Variants in SMC6 observed in about 807,000 individuals in gnomAD.
The protein encoded by SMC6 is structural maintenance of chromosomes protein 6.
A neutral mutation model predicts 142.2 loss-of-function variants in SMC6; 79 were observed. The ratio of observed to expected loss-of-function variants is 0.56; its 90% CI spans 0.46 to 0.67. SMC6 has a LOEUF of 0.67. SMC6 is among the 30% of genes least tolerant of loss of function. SMC6 has a pLI of 0.00. For synonymous variants in SMC6, 411 were observed against 412.4 expected, an observed-to-expected ratio of 1.00 and a Z score of 0.04; for missense variants, 1,072 against 1,284.0, an observed-to-expected ratio of 0.83 and a Z score of 2.52.
chr2:17,718,262 C>CAATAGA, intron 11 of SMC6, 39 bp from the exon 12 acceptor site: 14 of 1,435,910 alleles, frequency 9.7e-6, no homozygotes, highest in Non-Finnish European at 1.2e-5. Context: ...ATTTTTTCTT[C>CAATAGA]AATAGAGAGA....
intron 16 of SMC6, among the ~76,000 whole-genome samples, chr2:17,710,051 C>A (rs1668748793): frequency 6.6e-6 from 1 of 152,168 alleles, no homozygotes; most frequent in Non-Finnish European, 1.5e-5. Flanking sequence ...AGTTTAGAGT[C>A]CTTTGAGCAG....
chr2:17,751,923 T>C (rs912864384), intron 2 of SMC6, among the ~76,000 whole-genome samples: 3 of 152,212 alleles, frequency 2.0e-5, no homozygotes, highest in African/African-American at 7.2e-5. Context: ...TTACATAAAA[T>C]TCTACAGATT....
chr2:17,741,533 G>T, intron 4 of SMC6, 79 bp downstream of exon 4: 1 of 801,338 alleles, frequency 1.2e-6, no homozygotes, highest in Non-Finnish European at 2.0e-6. Context: ...AGCACTAATA[G>T]TCACCTATTT....
intron 3 of SMC6, among the ~76,000 whole-genome samples, chr2:17,743,717 C>A (rs142421785): frequency 6.6e-6 from 1 of 152,058 alleles, no homozygotes; most frequent in South Asian, 2.1e-4. Context: ...ATTTTTACTG[C>A]GCTAAAAATC....
At chr2:17,677,800 T>C (rs1014088746) in intron 25 of SMC6, among the ~76,000 whole-genome samples, 1 of 152,088 alleles carries the variant, frequency 6.6e-6, no homozygotes, top group African/African-American at 2.4e-5. Context: ...GATCTACCAG[T>C]AGAAATTAAA....
At chr2:17,718,967 T>A (rs1310967661) in intron 11 of SMC6, among the ~76,000 whole-genome samples, 1 of 152,086 alleles carries the variant, frequency 6.6e-6, no homozygotes, top group African/African-American at 2.4e-5. Context: ...AAGATTTCAG[T>A]AAGAAGTTAA....
intron 9 of SMC6, among the ~76,000 whole-genome samples, chr2:17,724,208 G>C (rs1669507893): frequency 6.6e-6 from 1 of 152,088 alleles, no homozygotes; most frequent in African/African-American, 2.4e-5. Context: ...TTCCAAGAAA[G>C]TGTGCTTTAG....
In SMC6 at chr2:17,722,303, C is replaced by T. The variant is rs191052717; in HGVS notation, c.727-1042G>A. ...AGAGAGGTGGCCTCATATTTAAGAC[C>T]CATACCATCCTCTACCTATATCTTG... is the stretch of plus-strand genomic sequence containing the variant. On this transcript the variant is annotated intron_variant, in intron 9 of 27. Coordinates refer to ENST00000448223, the MANE Select transcript of SMC6 (RefSeq NM_001142286.2). 1.7e-3 allele frequency among the ~76,000 whole-genome samples: 264 copies of T among 152,192 alleles called. 1 individual carries two copies. Among genetic ancestry groups the T allele is most frequent in the African/African-American group, 5.8e-3 (241 of 41,526 alleles).
At chr2:17,683,258 C>T (rs983967869) in intron 24 of SMC6, among the ~76,000 whole-genome samples, 8 of 152,120 alleles carry the variant, frequency 5.3e-5, no homozygotes, top group South Asian at 2.1e-4. Context: ...CATGGAGCTA[C>T]GTCATTCTAG....
At chr2:17,685,312 A>C (rs73218872) in intron 23 of SMC6, among the ~76,000 whole-genome samples, 1,664 of 152,230 alleles carry the variant, frequency 0.011, 29 homozygotes, top group African/African-American at 0.035. Context: ...TTTAGCAATG[A>C]AAAAAATCAC....
At chr2:17,699,828 A>C (rs996216233) in intron 21 of SMC6, among the ~76,000 whole-genome samples, 2 of 152,192 alleles carry the variant, frequency 1.3e-5, no homozygotes, top group African/African-American at 4.8e-5. Context: ...ACTTTATTTC[A>C]AGTTGGCTTT....
At chr2:17,698,504 TTG>T (rs1024932674) in intron 21 of SMC6, among the ~76,000 whole-genome samples, 17 of 152,074 alleles carry the variant, frequency 1.1e-4, no homozygotes, top group Non-Finnish European at 2.2e-4. Context: ...TAATTTTATT[TTG>T]AAGTCCACTT....
rs149982423 is a variant in SMC6, at chr2:17,693,056, T to A, written c.2678+2096A>T. Among the ~76,000 whole-genome samples the A allele has an allele frequency of 5.0e-3, 764 of 152,146 alleles. 3 individuals carry two copies. The highest frequency in any genetic ancestry group is 0.017 in the African/African-American group (722 of 41,468). ...GCGATCATTAACAAGTCAGGAAACA[T>A]CAGGTGCTGGAGAGGATGTAGAGAA... On this transcript the variant is annotated intron_variant, in intron 23 of 27. Coordinates refer to ENST00000448223, the MANE Select transcript of SMC6 (RefSeq NM_001142286.2).
intron 25 of SMC6, 46 bp downstream of exon 25, chr2:17,678,813 A>T (rs778773165): frequency 1.5e-6 from 2 of 1,357,062 alleles, no homozygotes; most frequent in South Asian, 1.3e-5. Flanking sequence ...GAAAAGAAAC[A>T]ACTAGTTTTT....
intron 2 of SMC6, among the ~76,000 whole-genome samples, chr2:17,749,944 C>T (rs1369955908): frequency 6.6e-6 from 1 of 152,088 alleles, no homozygotes; most frequent in East Asian, 1.9e-4. Context: ...CTGTGTTTAC[C>T]ACATCCTCAA....
chr2:17,697,952 C>T (rs1364288863), intron 21 of SMC6, among the ~76,000 whole-genome samples: 1 of 151,928 alleles, frequency 6.6e-6, no homozygotes, highest in African/African-American at 2.4e-5. Context: ...CATGACTAGG[C>T]AATAAAAAGT....
chr2:17,737,079 G>A (rs1670192946), intron 5 of SMC6, among the ~76,000 whole-genome samples: 1 of 152,166 alleles, frequency 6.6e-6, no homozygotes, highest in East Asian at 1.9e-4. Context: ...CAGAAACTAT[G>A]CTGGAAATTG....
intron 7 of SMC6, 57 bp downstream of exon 7, chr2:17,731,021 G>A (rs1243643548): frequency 2.1e-5 from 28 of 1,351,480 alleles, no homozygotes; most frequent in Middle Eastern, 1.9e-4. Context: ...AAGTGAAATC[G>A]CACTAAAAAA....
Position 17,714,994 on chromosome 2 carries a change from C to T in SMC6, c.1597G>A (p.Ala533Thr), listed in dbSNP as rs753442826. The T allele has an allele frequency of 6.2e-7, 1 of 1,613,960 alleles. No homozygotes were observed. The highest frequency in any genetic ancestry group is 8.5e-7 in the Non-Finnish European group (1 of 1,179,948). ...TCAGCATGATTATGGCAACAATAGG[C>T]CTGCAGAAGCCCTTTTAAGCAAGAT... ...IESCLKGLLQ[A>T]YCCHNHADER... Residue 533 changes from alanine (A) to threonine (T), a missense_variant, in exon 16 of 28, where the codon GCC becomes ACC. Physicochemically the swap from Ala to Thr is moderately conservative, Grantham distance 58. Coordinates refer to ENST00000448223, the MANE Select transcript of SMC6 (RefSeq NM_001142286.2).
Sources: gnomAD v4.1 joint callset for allele counts (sites outside exome capture counted in the v4.1 genomes callset) on GRCh38, gnomAD v4.1.1 for gene constraint, MANE v1.5 for transcripts, NCBI Gene and HGNC (gene_info 2026-07-23, HGNC 2026-07-21) for gene names.